Variants in RNF2 observed in about 807,000 individuals in gnomAD.
RNF2 encodes E3 ubiquitin-protein ligase RING2.
In RNF2, 6 loss-of-function variants were observed where a neutral mutation model predicts 37.2. The ratio of observed to expected loss-of-function variants is 0.16; its 90% CI spans 0.09 to 0.32. RNF2 has a LOEUF of 0.32. RNF2 is among the 10% of genes least tolerant of loss of function. The pLI, the probability that RNF2 is intolerant of heterozygous loss-of-function variation, is 1.00. For synonymous variants in RNF2, 133 were observed against 132.7 expected, an observed-to-expected ratio of 1.00 and a Z score of -0.02; for missense variants, 251 against 404.0, an observed-to-expected ratio of 0.62 and a Z score of 3.25.
chr1:185,046,120 T>C (rs1259551725), intron 1 of RNF2: 1 of 122,648 alleles, frequency 8.2e-6, no homozygotes, highest in South Asian at 2.8e-4. Flanking sequence ...ATCGTGGGGG[T>C]GGGGTAGGGG....
At chr1:185,051,032 C>T (rs995319383) in intron 1 of RNF2, among the ~76,000 whole-genome samples, 4 of 152,140 alleles carry the variant, frequency 2.6e-5, no homozygotes, top group South Asian at 2.1e-4. Flanking sequence ...TTCGCTATTG[C>T]GAAATGTGCA....
rs1436890414 is a variant in RNF2 at position 185,101,363 on chromosome 1, G to A, written c.*1062G>A. The stretch of plus-strand genomic sequence containing the variant: ...GCTCTTTTAATTACACTCTGTAGAA[G>A]GTTAATAGAGCTTGAGCCCTGCTTT... On this transcript the variant is annotated 3_prime_UTR_variant, in exon 7 of 7. Transcript: ENST00000367510. The A allele has an allele frequency of 6.6e-6, 1 of 152,450 alleles. No individual in the cohort carries two copies. Among genetic ancestry groups the A allele is most frequent in the Non-Finnish European group, 1.5e-5 (1 of 67,962 alleles). The allele number at this position is 152,450 out of a possible 1,614,324, so 9.4% of individuals were successfully genotyped here. A position where few individuals can be genotyped will look rare whatever the true frequency, so the allele number is the denominator to read the frequency against.
At chr1:185,072,391 G>A (rs1357193652) in intron 1 of RNF2, among the ~76,000 whole-genome samples, 2 of 152,010 alleles carry the variant, frequency 1.3e-5, no homozygotes, top group African/African-American at 4.8e-5. Flanking sequence ...TACAGTGCAA[G>A]GTATTGGGGA....
chr1:185,049,330 A>G (rs1003811023), intron 1 of RNF2, among the ~76,000 whole-genome samples: 7 of 152,204 alleles, frequency 4.6e-5, no homozygotes, highest in Non-Finnish European at 8.8e-5. Context: ...TATGTGCTAC[A>G]TTAAAGGAGG....
intron 1 of RNF2, among the ~76,000 whole-genome samples, chr1:185,050,318 G>T (rs1043232008): frequency 2.6e-5 from 4 of 152,176 alleles, no homozygotes; most frequent in African/African-American, 9.7e-5. Context: ...TGTTTTGGGA[G>T]CCCAAAAGAC....
chr1:185,094,546 A>G (rs1232652851), intron 4 of RNF2, among the ~76,000 whole-genome samples: 2 of 152,144 alleles, frequency 1.3e-5, no homozygotes, highest in South Asian at 2.1e-4. Context: ...TCAGGCCACA[A>G]CAATCTTTCA....
intron 5 of RNF2, 73 bp downstream of exon 5, chr1:185,098,417 T>G: frequency 6.6e-7 from 1 of 1,522,348 alleles, no homozygotes; most frequent in South Asian, 1.2e-5. Flanking sequence ...CAGTCTTGTA[T>G]AAGAAGTAGG....
At chr1:185,060,793 A>C (rs1235819578) in intron 1 of RNF2, among the ~76,000 whole-genome samples, 1 of 152,208 alleles carries the variant, frequency 6.6e-6, no homozygotes, top group African/African-American at 2.4e-5. Flanking sequence ...AGTGTAAGGA[A>C]TATGTCTTGT....
chr1:185,078,842 C>T (rs944475002), intron 1 of RNF2, among the ~76,000 whole-genome samples: 50 of 152,200 alleles, frequency 3.3e-4, no homozygotes, highest in African/African-American at 1.2e-3. Flanking sequence ...GTCAGGAGTT[C>T]GAGACCAGCC....
chr1:185,080,722 C>T (rs142032182), intron 1 of RNF2, among the ~76,000 whole-genome samples: 30 of 152,298 alleles, frequency 2.0e-4, no homozygotes, highest in African/African-American at 7.0e-4. Context: ...TCTGGAAATG[C>T]AACTAACTTG....
rs556635205 is a variant in RNF2 at position 185,062,810 on chromosome 1, T to TCC, written c.-3+17170_-3+17171dup. ...AATGGATATAAATAATTGGTAGACC[T>TCC]CCCCCCCCCCAAAAAAAGGCCAATA... On this transcript the variant is annotated intron_variant, in intron 1 of 6. Coordinates refer to ENST00000367510, the MANE Select transcript of RNF2 (RefSeq NM_007212.4). 4.4e-3 allele frequency among the ~76,000 whole-genome samples: 586 copies of TCC among 134,180 alleles called. 3 individuals carry two copies. The highest frequency in any genetic ancestry group is 0.016 in the African/African-American group (550 of 33,482). The allele number at this position is 134,180 out of a possible 152,430, so 88.0% of individuals were successfully genotyped here.
chr1:185,101,058 A>G lies in RNF2; in HGVS notation c.*757A>G, dbSNP rs902122114. ...GTAGTAAAATATAGTCTTCAAGTAT[A>G]CGTTTGAGAGTGCTTTTTTTTGTAT... On this transcript the variant is annotated 3_prime_UTR_variant, in exon 7 of 7. Transcript: ENST00000367510. The G allele has an allele frequency of 6.6e-6, 1 of 152,490 alleles. No individual in the cohort carries two copies. Among genetic ancestry groups the G allele is most frequent in the Non-Finnish European group, 1.5e-5 (1 of 67,958 alleles). The allele number at this position is 152,490 out of a possible 1,614,324, so 9.4% of individuals were successfully genotyped here.
intron 3 of RNF2, among the ~76,000 whole-genome samples, chr1:185,092,591 A>T (rs984292149): frequency 6.6e-6 from 1 of 152,178 alleles, no homozygotes; most frequent in Non-Finnish European, 1.5e-5. Flanking sequence ...ACTTCATAAG[A>T]TGAGTATTTG....
chr1:185,053,847 A>G (rs537263923), intron 1 of RNF2, among the ~76,000 whole-genome samples: 10 of 152,282 alleles, frequency 6.6e-5, no homozygotes, highest in South Asian at 4.1e-4. Context: ...ATAAGATTAT[A>G]TAATGTGCAG....
chr1:185,082,863 G>C (rs1258711617), intron 1 of RNF2, among the ~76,000 whole-genome samples: 1 of 152,082 alleles, frequency 6.6e-6, no homozygotes, highest in Non-Finnish European at 1.5e-5. Context: ...CAAGTCGTTA[G>C]CAAAAAAACA....
chr1:185,085,105 G>T (rs1196797346), intron 1 of RNF2, among the ~76,000 whole-genome samples: 2 of 147,526 alleles, frequency 1.4e-5, no homozygotes, highest in African/African-American at 5.0e-5. Flanking sequence ...ATAAAAAATG[G>T]TTGCTTTCTC....
intron 1 of RNF2, among the ~76,000 whole-genome samples, chr1:185,073,089 T>G (rs1246202883): frequency 6.6e-6 from 1 of 151,526 alleles, no homozygotes; most frequent in Admixed American, 6.6e-5. Flanking sequence ...TAATGTGTGT[T>G]GTATACATAT....
intron 3 of RNF2, chr1:185,091,978 C>G: frequency 3.1e-6 from 1 of 325,252 alleles, no homozygotes; most frequent in Non-Finnish European, 5.5e-6. Flanking sequence ...CCGTGGCCGG[C>G]TAGTTTTTTT....
chr1:185,047,122 A>T (rs1255563986), intron 1 of RNF2, among the ~76,000 whole-genome samples: 5 of 152,230 alleles, frequency 3.3e-5, no homozygotes, highest in Non-Finnish European at 5.9e-5. Context: ...GGGGTAGCAC[A>T]GCAAATATGG....
Sources: gnomAD v4.1 joint callset for allele counts (sites outside exome capture counted in the v4.1 genomes callset) on GRCh38, gnomAD v4.1.1 for gene constraint, MANE v1.5 for transcripts, NCBI Gene and HGNC (gene_info 2026-07-23, HGNC 2026-07-21) for gene names.